TCF23: variants seen among roughly 807,000 people sequenced by gnomAD.
The protein encoded by TCF23 is class A basic helix-loop-helix protein 24.
In TCF23, 7 loss-of-function variants were observed where a neutral mutation model predicts 13.0. The observed-to-expected ratio is 0.54, with a 90% CI of 0.31 to 1.01. The LOEUF (loss-of-function observed/expected upper bound fraction) is 1.01. Among genes scored for constraint, TCF23 ranks in the 50% least tolerant of loss-of-function variants. The probability of loss-of-function intolerance (pLI) is 0.06; values close to 1 mark genes in which losing one functional copy is unlikely to be tolerated. For missense variants in TCF23, 257 were observed against 289.8 expected, an observed-to-expected ratio of 0.89 and a Z score of 0.82; for synonymous variants, 122 against 119.5, an observed-to-expected ratio of 1.02 and a Z score of -0.14.
At position 27,149,294 on chromosome 2, in the gene TCF23, G is replaced by A. The variant is rs781050524; in HGVS notation, c.161G>A (p.Arg54Lys). The change falls in exon 1 of 3, where the codon AGA becomes AAA. Residue 54 changes from arginine (R) to lysine (K), a missense_variant. By Grantham distance (26) the Arg-to-Lys change is conservative. Coordinates refer to ENST00000296096, the MANE Select transcript of TCF23 (RefSeq NM_175769.3). Reference protein sequence around the residue: ...PWEERSWSNQRWSRATPGPRG... With the variant: ...PWEERSWSNQKWSRATPGPRG... ...GAAGAAAGAAGCTGGAGCAACCAGAGATGGAGCAGAGCTACCCCTGGCCCT... is the reference window on the plus strand; with the variant it reads ...GAAGAAAGAAGCTGGAGCAACCAGAAATGGAGCAGAGCTACCCCTGGCCCT... 6.3e-7 allele frequency: 1 copy of A among 1,597,594 alleles called. No homozygotes were observed. Among genetic ancestry groups the A allele is most frequent in the Admixed American group, 1.7e-5 (1 of 57,438 alleles).
Position 27,150,632 on chromosome 2 carries a change from TC to T in TCF23, c.465+268del, listed in dbSNP as rs1184381915. Reference sequence around the variant, plus strand: ...GAAGAGGAGGGAAAGACTCTGGGGTTCTTAGAGTCACAGGGAAAAATGTAGC... The same window carrying T: ...GAAGAGGAGGGAAAGACTCTGGGGTTTTAGAGTCACAGGGAAAAATGTAGC... On this transcript the variant is annotated intron_variant, in intron 2 of 2. Coordinates refer to ENST00000296096, the MANE Select transcript of TCF23 (RefSeq NM_175769.3). The surrounding 1 kb of genome is among the most constrained non-coding windows in gnomAD (Gnocchi z 4.1). Among the ~76,000 whole-genome samples, 2 of 151,978 alleles carry T rather than the reference TC, an allele frequency of 1.3e-5. No individual in the cohort carries two copies. The highest frequency in any genetic ancestry group is 1.5e-5 in the Non-Finnish European group (1 of 67,958).
Position 27,152,864 on chromosome 2 carries a change from A to G in TCF23, c.642A>G (p.Lys214=). ...TTPLSPALGD[K] ...CACTCTCACCAGCTCTTGGTGACAA[A>G]TAATTATCACACTCGCCCTTTTCTC... is the stretch of plus-strand genomic sequence containing the variant. The change falls in exon 3 of 3, where the codon AAA becomes AAG. Residue 214 remains lysine (K), a synonymous_variant. Transcript: ENST00000296096. The G allele has an allele frequency of 2.5e-6, 4 of 1,612,952 alleles. No homozygotes were observed. Among genetic ancestry groups the G allele is most frequent in the Non-Finnish European group, 3.4e-6 (4 of 1,179,278 alleles).
Position 27,150,410 on chromosome 2 carries a change from AGGGCC to A in TCF23, c.465+46_465+50del. On this transcript the variant is annotated intron_variant, in intron 2 of 2. Transcript: ENST00000296096. This position sits in a 1 kb window ranked among gnomAD's most constrained non-coding sequence, Gnocchi z 4.1. ...ACTTGAGAGGCGGATCTTAATGCCC[AGGGCC>A]TTGGAGAAAGGGATTGGAATGAGGG... is the stretch of plus-strand genomic sequence containing the variant. 6.3e-6 allele frequency: 10 copies of A among 1,596,360 alleles called. No homozygotes were observed. Among genetic ancestry groups the A allele is most frequent in the Non-Finnish European group, 8.6e-6 (10 of 1,167,336 alleles).
At chr2:27,149,427 G>A in intron 1 of TCF23, 72 bp downstream of exon 1, 12 of 1,379,748 alleles carry the variant, frequency 8.7e-6, no homozygotes, top group Non-Finnish European at 1.2e-5. Flanking sequence ...TGTCACCTCT[G>A]ATGGTACAGC....
At position 27,154,996 on chromosome 2, in the gene TCF23, G is replaced by C. The variant is rs1480952459; in HGVS notation, c.*2129G>C. On this transcript the variant is annotated 3_prime_UTR_variant, in exon 3 of 3. Transcript: ENST00000296096. ...TAGAGTAGACTTTGGGTTGGAGCTT[G>C]CCCCACCCTGTCCTGCTCAGACTCA... 1.3e-5 allele frequency: 2 copies of C among 152,408 alleles called. No homozygotes were observed. Among genetic ancestry groups the C allele is most frequent in the Non-Finnish European group, 2.9e-5 (2 of 68,210 alleles). 9.4% of individuals were successfully genotyped at this position (152,408 alleles called of 1,614,324 possible). A position where few individuals can be genotyped will look rare whatever the true frequency, so the allele number is the denominator to read the frequency against.
At position 27,150,466 on chromosome 2, in the gene TCF23, C is replaced by A. The variant is rs1672746335; in HGVS notation, c.465+101C>A. 2 of 1,546,978 alleles carry A rather than the reference C, an allele frequency of 1.3e-6. No individual in the cohort carries two copies. The highest frequency in any genetic ancestry group is 2.5e-5 in the South Asian group (2 of 81,546). ...GGGACATTGGACTTGGGCCCCCTGCCCTGTGCAGAACTGACGTCGGAGCCA... is the reference window on the plus strand; with the variant it reads ...GGGACATTGGACTTGGGCCCCCTGCACTGTGCAGAACTGACGTCGGAGCCA... On this transcript the variant is annotated intron_variant, in intron 2 of 2. Transcript: ENST00000296096. The surrounding 1 kb of genome is among the most constrained non-coding windows in gnomAD (Gnocchi z 4.1).
Position 27,154,636 on chromosome 2 carries a change from C to G in TCF23, c.*1769C>G. 6.6e-6 allele frequency: 1 copy of G among 152,386 alleles called. No individual in the cohort carries two copies. The highest frequency in any genetic ancestry group is 1.5e-5 in the Non-Finnish European group (1 of 68,172). The allele number at this position is 152,386 out of a possible 1,614,324, so 9.4% of individuals were successfully genotyped here. On this transcript the variant is annotated 3_prime_UTR_variant, in exon 3 of 3. Transcript: ENST00000296096. Reference sequence around the variant, plus strand: ...GGAGAAGGCCTCGGCCAAGGCTGAACTCGTAAATCTGCCTTGAACCACGTC... The same window carrying G: ...GGAGAAGGCCTCGGCCAAGGCTGAAGTCGTAAATCTGCCTTGAACCACGTC...
Position 27,153,069 on chromosome 2 carries a change from C to A in TCF23, c.*202C>A. On this transcript the variant is annotated 3_prime_UTR_variant, in exon 3 of 3. Transcript: ENST00000296096. ...GTTGGAGAGCCTCCTCCTTGGTCCCCAGGAGGGGACTTCCCCATGGCTCTT... is the reference window on the plus strand; with the variant it reads ...GTTGGAGAGCCTCCTCCTTGGTCCCAAGGAGGGGACTTCCCCATGGCTCTT... 2 of 1,232,538 alleles carry A rather than the reference C, an allele frequency of 1.6e-6. No homozygotes were observed. The highest frequency in any genetic ancestry group is 2.1e-6 in the Non-Finnish European group (2 of 947,048). The allele number at this position is 1,232,538 out of a possible 1,614,324, so 76.4% of individuals were successfully genotyped here.
intron 1 of TCF23, chr2:27,149,853 T>C (rs1672732575): frequency 1.4e-6 from 1 of 690,896 alleles, no homozygotes. Context: ...TGAGGAGGCA[T>C]GAGTGGAGTA....
At position 27,150,489 on chromosome 2, in the gene TCF23, C is replaced by T. The variant is rs1316607081; in HGVS notation, c.465+124C>T. On this transcript the variant is annotated intron_variant, in intron 2 of 2. Coordinates refer to ENST00000296096, the MANE Select transcript of TCF23 (RefSeq NM_175769.3). The surrounding 1 kb of genome is among the most constrained non-coding windows in gnomAD (Gnocchi z 4.1). ...GCCCTGTGCAGAACTGACGTCGGAG[C>T]CAATTTCTCCTGCTGTCTCAGAGGG... 3.4e-6 allele frequency: 5 copies of T among 1,476,326 alleles called. No homozygotes were observed. In the South Asian group the frequency reaches 6.6e-5, roughly 20 times the overall value. 91.5% of individuals were successfully genotyped at this position (1,476,326 alleles called of 1,614,324 possible).
In TCF23 at chr2:27,149,187, C is replaced by T. The variant is rs1672719373; in HGVS notation, c.54C>T (p.Ser18=). 6.4e-7 allele frequency: 1 copy of T among 1,552,330 alleles called. No individual in the cohort carries two copies. The highest frequency in any genetic ancestry group is 8.7e-7 in the Non-Finnish European group (1 of 1,147,862). The change falls in exon 1 of 3, where the codon AGC becomes AGT. Residue 18 remains serine (S), a synonymous_variant. Transcript: ENST00000296096. ...GPPAMPGVGH[S]QTQAKARLLP... is the part of the protein sequence containing the mutation. ...CAGCCATGCCAGGGGTGGGGCATAG[C>T]CAGACTCAGGCCAAAGCACGGTTGC... is the stretch of plus-strand genomic sequence containing the variant.
chr2:27,156,834 C>T lies in TCF23; in HGVS notation c.*3967C>T, dbSNP rs1357606857. 1 of 152,250 alleles carries T rather than the reference C, an allele frequency of 6.6e-6. No homozygotes were observed. Among genetic ancestry groups the T allele is most frequent in the African/African-American group, 2.4e-5 (1 of 41,462 alleles). The allele number at this position is 152,250 out of a possible 1,614,324, so 9.4% of individuals were successfully genotyped here. On this transcript the variant is annotated 3_prime_UTR_variant, in exon 3 of 3. Transcript: ENST00000296096. ...GTGAGTCAGATGGCACTGTCCTCTC[C>T]CTTTTGTGGCATGAGCCCTAAACCC...
rs1253927223 is a variant in TCF23, at chr2:27,150,136, C to A, written c.236C>A (p.Pro79His). The A allele has an allele frequency of 6.2e-7, 1 of 1,605,088 alleles. No individual in the cohort carries two copies. The highest frequency in any genetic ancestry group is 2.2e-5 in the East Asian group (1 of 44,818). Residue 79 changes from proline (P) to histidine (H), a missense_variant, in exon 2 of 3, where the codon CCT becomes CAT. Physicochemically the swap from Pro to His is moderately conservative, Grantham distance 77. Transcript: ENST00000296096. This position sits in a 1 kb window ranked among gnomAD's most constrained non-coding sequence, Gnocchi z 4.1. Reference sequence around the variant, plus strand: ...CCCTCTGTGCAGAGCGAGGCCAGTCCTGAGAATGCCGCGCGGGAGCGGAGC... The same window carrying A: ...CCCTCTGTGCAGAGCGAGGCCAGTCATGAGAATGCCGCGCGGGAGCGGAGC... ...GLALGRSEAS[P>H]ENAARERSRV...
At position 27,155,629 on chromosome 2, in the gene TCF23, T is replaced by G. The variant is rs1046744117; in HGVS notation, c.*2762T>G. On this transcript the variant is annotated 3_prime_UTR_variant, in exon 3 of 3. Transcript: ENST00000296096. ...AGTGGGCACCTGTAATCCTAGCTACTTGGGAGGCTGAGGCAGGAGAATTGC... is the reference window on the plus strand; with the variant it reads ...AGTGGGCACCTGTAATCCTAGCTACGTGGGAGGCTGAGGCAGGAGAATTGC... The G allele has an allele frequency of 4.6e-5, 7 of 151,850 alleles. No homozygotes were observed. The highest frequency in any genetic ancestry group is 1.7e-4 in the African/African-American group (7 of 41,262). 9.4% of individuals were successfully genotyped at this position (151,850 alleles called of 1,614,324 possible).
chr2:27,150,509 A>C lies in TCF23; in HGVS notation c.465+144A>C, dbSNP rs1215809461. ...CGGAGCCAATTTCTCCTGCTGTCTC[A>C]GAGGGAGAGGAGCCAAGGCTGACCC... On this transcript the variant is annotated intron_variant, in intron 2 of 2. Transcript: ENST00000296096. This position sits in a 1 kb window ranked among gnomAD's most constrained non-coding sequence, Gnocchi z 4.1. 2 of 1,421,306 alleles carry C rather than the reference A, an allele frequency of 1.4e-6. No homozygotes were observed. The highest frequency in any genetic ancestry group is 2.7e-5 in the South Asian group (2 of 73,256). The allele number at this position is 1,421,306 out of a possible 1,614,324, so 88.0% of individuals were successfully genotyped here.
At position 27,150,268 on chromosome 2, in the gene TCF23, G is replaced by A. The variant is rs1415593919; in HGVS notation, c.368G>A (p.Ser123Asn). ...SKLDVLVLAASYIAHLTRTLG... is the reference protein window; with the variant it reads ...SKLDVLVLAANYIAHLTRTLG... Reference sequence around the variant, plus strand: ...TTGGACGTGCTGGTGCTCGCCGCCAGCTACATAGCCCACCTCACCCGCACA... The same window carrying A: ...TTGGACGTGCTGGTGCTCGCCGCCAACTACATAGCCCACCTCACCCGCACA... Residue 123 changes from serine (S) to asparagine (N), a missense_variant, in exon 2 of 3, where the codon AGC becomes AAC. Physicochemically the swap from Ser to Asn is conservative, Grantham distance 46 (BLOSUM62 1). Transcript: ENST00000296096. This position sits in a 1 kb window ranked among gnomAD's most constrained non-coding sequence, Gnocchi z 4.1. The A allele has an allele frequency of 1.2e-6, 2 of 1,613,688 alleles. No individual in the cohort carries two copies. Among genetic ancestry groups the A allele is most frequent in the East Asian group, 4.5e-5 (2 of 44,882 alleles).
chr2:27,149,073 G>A lies in TCF23; in HGVS notation c.-61G>A, dbSNP rs1027745896. The A allele has an allele frequency of 6.1e-6, 9 of 1,484,820 alleles. No individual in the cohort carries two copies. The African/African-American group carries it at 1.3e-4, about 21-fold the overall frequency. 92.0% of individuals were successfully genotyped at this position (1,484,820 alleles called of 1,614,324 possible). ...GACCAGCCACAGCCAGCTAGCTTGA[G>A]TCCAAGGCCTCCTCAGGCACTGTGT... On this transcript the variant is annotated 5_prime_UTR_variant, in exon 1 of 3. Transcript: ENST00000296096.
At position 27,154,095 on chromosome 2, in the gene TCF23, G is replaced by T. The variant is rs1346666668; in HGVS notation, c.*1228G>T. 6.6e-6 allele frequency: 1 copy of T among 152,240 alleles called. No individual in the cohort carries two copies. Among genetic ancestry groups the T allele is most frequent in the Non-Finnish European group, 1.5e-5 (1 of 68,048 alleles). The allele number at this position is 152,240 out of a possible 1,614,324, so 9.4% of individuals were successfully genotyped here. A position where few individuals can be genotyped will look rare whatever the true frequency, so the allele number is the denominator to read the frequency against. ...TCCCTAGGGCCGGCTCCGCCTCATG[G>T]AGATCGTCCTTGGGGGCTTTCTCTA... is the stretch of plus-strand genomic sequence containing the variant. On this transcript the variant is annotated 3_prime_UTR_variant, in exon 3 of 3. Transcript: ENST00000296096.
rs754702483 is a variant in TCF23 at position 27,152,747 on chromosome 2, C to T, written c.525C>T (p.Ser175=). The change falls in exon 3 of 3, where the codon TCC becomes TCT. Residue 175 remains serine (S), a synonymous_variant. Coordinates refer to ENST00000296096, the MANE Select transcript of TCF23 (RefSeq NM_175769.3). ...AGGLGYSDLD[S]TTASTPSQRT... Reference sequence around the variant, plus strand: ...GCCTGGGGTACTCCGATCTTGACTCCACCACAGCCAGCACCCCCAGCCAAA... The same window carrying T: ...GCCTGGGGTACTCCGATCTTGACTCTACCACAGCCAGCACCCCCAGCCAAA... 3 of 1,614,130 alleles carry T rather than the reference C, an allele frequency of 1.9e-6. No individual in the cohort carries two copies. The highest frequency in any genetic ancestry group is 2.5e-6 in the Non-Finnish European group (3 of 1,180,028).
Sources: gnomAD v4.1 joint callset for allele counts (sites outside exome capture counted in the v4.1 genomes callset) on GRCh38, gnomAD v4.1.1 for gene constraint, Gnocchi (gnomAD v3.1) non-coding constraint, MANE v1.5 for transcripts, NCBI Gene and HGNC (gene_info 2026-07-23, HGNC 2026-07-21) for gene names.